Variants in MYOM1 observed in about 807,000 individuals in gnomAD.
MYOM1 encodes myomesin-1.
Under a neutral mutation model 205.3 loss-of-function variants are expected in MYOM1, and 164 were observed. The observed-to-expected ratio is 0.80, with a 90% CI of 0.70 to 0.91. The LOEUF (loss-of-function observed/expected upper bound fraction) is 0.91. MYOM1 is among the 40% of genes least tolerant of loss of function. MYOM1 has a pLI of 0.00. For missense variants in MYOM1, 2,011 were observed against 2,127.3 expected, an observed-to-expected ratio of 0.95 and a Z score of 1.08; for synonymous variants, 772 against 789.4, an observed-to-expected ratio of 0.98 and a Z score of 0.37.
chr18:3,231,534 CTTTTTTTTTTTT>C, the MYOM1 span, among the ~76,000 whole-genome samples: 1 of 120,220 alleles, frequency 8.3e-6, no homozygotes, highest in Admixed American at 8.7e-5. Flanking sequence ...AATATGCATC[CTTTTTTTTTTTT>C]TTTTTTTTTT....
chr18:3,120,048 T>C, intron 19 of MYOM1, 53 bp from the exon 20 acceptor site: 1 of 1,518,250 alleles, frequency 6.6e-7, no homozygotes. Flanking sequence ...TGTTTTTTTT[T>C]TTCTACTTGT....
chr18:3,243,359 T>C, the MYOM1 span, among the ~76,000 whole-genome samples: 10 of 152,224 alleles, frequency 6.6e-5, no homozygotes, highest in Admixed American at 1.3e-4. Context: ...AATAGTTTCT[T>C]ACATGCAATA....
At chr18:3,129,597 G>A in intron 17 of MYOM1, 78 bp from the exon 18 acceptor site, 1 of 1,450,844 alleles carries the variant, frequency 6.9e-7, no homozygotes. Flanking sequence ...AGAACAAAGA[G>A]AAAAACATTA....
intron 10 of MYOM1, among the ~76,000 whole-genome samples, chr18:3,160,290 C>A (rs890665932): frequency 6.6e-6 from 1 of 151,956 alleles, no homozygotes; most frequent in South Asian, 2.1e-4. Context: ...TGGGCTCAAG[C>A]AATCCTCCCA....
intron 13 of MYOM1, among the ~76,000 whole-genome samples, chr18:3,145,222 A>G (rs1021788483): frequency 1.3e-5 from 2 of 152,022 alleles, no homozygotes; most frequent in Admixed American, 1.3e-4. Flanking sequence ...AAGCAGGAGA[A>G]TCACTTGAAC....
the MYOM1 span, chr18:3,246,192 G>C: frequency 6.6e-6 from 1 of 152,252 alleles, no homozygotes; most frequent in Non-Finnish European, 1.5e-5. Context: ...TGGTGCTCTC[G>C]TGGTGGCAGG....
At chr18:3,120,834 T>C (rs1433203120) in intron 19 of MYOM1, among the ~76,000 whole-genome samples, 1 of 152,198 alleles carries the variant, frequency 6.6e-6, no homozygotes, top group Non-Finnish European at 1.5e-5. Context: ...TGGGTTGTTG[T>C]GAGGGTAAAT....
the MYOM1 span, among the ~76,000 whole-genome samples, chr18:3,232,427 T>G: frequency 2.3e-4 from 35 of 152,000 alleles, no homozygotes; most frequent in African/African-American, 8.2e-4. Flanking sequence ...AGAAAGCAGA[T>G]CAGTGGTTGT....
chr18:3,175,654 CAA>C (rs1399108810), intron 6 of MYOM1, among the ~76,000 whole-genome samples: 1 of 152,132 alleles, frequency 6.6e-6, no homozygotes, highest in East Asian at 1.9e-4. Flanking sequence ...TTATTAAAAA[CAA>C]GAGACTGTGA....
rs1235129668 is a variant in MYOM1, at chr18:3,188,157, A to G, written c.772-520T>C. On this transcript the variant is annotated intron_variant, in intron 4 of 37. Coordinates refer to ENST00000356443, the MANE Select transcript of MYOM1 (RefSeq NM_003803.4). ...CACCTGATCATATTTTACTTCTCCA[A>G]GGTGGATTTCTTAAGGCTCTCTAAA... 3.3e-5 allele frequency among the ~76,000 whole-genome samples: 5 copies of G among 152,086 alleles called. No homozygotes were observed. The East Asian group carries it at 9.6e-4, about 29-fold the overall frequency.
the MYOM1 span, among the ~76,000 whole-genome samples, chr18:3,225,145 G>A: frequency 6.8e-3 from 1,035 of 151,946 alleles, 14 homozygotes; most frequent in African/African-American, 0.024. Flanking sequence ...CTGCCACCAC[G>A]CCCAACTAAT....
chr18:3,182,911 TTC>T (rs2080757550), intron 5 of MYOM1, among the ~76,000 whole-genome samples: 1 of 145,480 alleles, frequency 6.9e-6, no homozygotes, highest in Admixed American at 6.8e-5. Flanking sequence ...CTTTTCTTTC[TTC>T]TTTTTTTTTT....
chr18:3,073,110 G>A (rs72858612), intron 36 of MYOM1, among the ~76,000 whole-genome samples: 21,855 of 151,724 alleles, frequency 0.14, 1,910 homozygotes, highest in African/African-American at 0.25. Flanking sequence ...ACCAGGCCTG[G>A]CCATAAGCTT....
intron 2 of MYOM1, among the ~76,000 whole-genome samples, chr18:3,207,811 C>T (rs2081143216): frequency 6.6e-6 from 1 of 152,184 alleles, no homozygotes; most frequent in Non-Finnish European, 1.5e-5. Flanking sequence ...CTCTGCTCTA[C>T]TCTAGGAAAA....
intron 27 of MYOM1, among the ~76,000 whole-genome samples, chr18:3,090,220 T>TA (rs1343901819): frequency 6.8e-6 from 1 of 147,236 alleles, no homozygotes; most frequent in Admixed American, 6.8e-5. Context: ...AAACTGTATT[T>TA]TTTTTTTTTT....
chr18:3,068,296 A>G (rs2078921111), intron 37 of MYOM1, among the ~76,000 whole-genome samples: 2 of 152,066 alleles, frequency 1.3e-5, no homozygotes, highest in Admixed American at 1.3e-4. Flanking sequence ...AAGAAATAAT[A>G]AAGAGATCTG....
In MYOM1 at chr18:3,127,303, A is replaced by ATT. The variant is rs1361419051; in HGVS notation, c.2795-407_2795-406insAA. 4.3e-3 allele frequency among the ~76,000 whole-genome samples: 212 copies of ATT among 48,780 alleles called. 1 individual carries two copies. The highest frequency in any genetic ancestry group is 0.016 in the African/African-American group (195 of 12,140). The allele number at this position is 48,780 out of a possible 152,430, so 32.0% of individuals were successfully genotyped here. ...TTTCCATATATATATATATATATAT[A>ATT]TATTTTTTTTTTTTTTTTTTTTGAG... On this transcript the variant is annotated intron_variant, in intron 18 of 37. Coordinates refer to ENST00000356443, the MANE Select transcript of MYOM1 (RefSeq NM_003803.4).
Position 3,211,537 on chromosome 18 carries a change from A to G in MYOM1, c.290+3397T>C, listed in dbSNP as rs532519786. On this transcript the variant is annotated intron_variant, in intron 2 of 37. Transcript: ENST00000356443. ...CTTGCCTAATGGTTGCAACATGGTC[A>G]TAAGTAATACTGCTCCTTTAATCCT... 2.1e-3 allele frequency among the ~76,000 whole-genome samples: 319 copies of G among 152,376 alleles called. 9 individuals carry two copies. In the South Asian group the frequency reaches 0.049, roughly 23 times the overall value.
chr18:3,127,299 ATATATATTTTT>A (rs1414762364), intron 18 of MYOM1, among the ~76,000 whole-genome samples: 45 of 49,888 alleles, frequency 9.0e-4, no homozygotes, highest in African/African-American at 3.0e-3. Flanking sequence ...ATATATATAT[ATATATATTTTT>A]TTTTTTTTTT....
Sources: allele counts gnomAD v4.1 joint callset (sites outside exome capture counted in the v4.1 genomes callset), GRCh38; gene constraint gnomAD v4.1.1; transcripts MANE v1.5; gene names NCBI Gene and HGNC (gene_info 2026-07-23, HGNC 2026-07-21).